The following SLC12A1 variants were observed in gnomAD, a reference collection of about 807,000 sequenced individuals.
The protein encoded by SLC12A1 is solute carrier family 12 member 1, also known as Na-K-2Cl cotransporter.
Under a neutral mutation model 130.4 loss-of-function variants are expected in SLC12A1, and 89 were observed. The observed-to-expected ratio is 0.68, with a 90% confidence interval of 0.58 to 0.81. The LOEUF (loss-of-function observed/expected upper bound fraction) is 0.81. SLC12A1 is among the 40% of genes least tolerant of loss of function. The pLI is 0.00. For missense variants in SLC12A1, 1,310 were observed against 1,336.4 expected (o/e 0.98, Z 0.31); for synonymous variants, 499 against 460.0 (o/e 1.08, Z -1.09).
At chr15:48,271,801 A>T (rs545526238) in intron 19 of SLC12A1, among the ~76,000 whole-genome samples, 3 of 152,282 alleles carry the variant, frequency 2.0e-5, no homozygotes, top group African/African-American at 7.2e-5. Context: ...GCCTCAGCAA[A>T]CAGTATTTTG....
chr15:48,221,573 AT>A (rs2041216843), intron 4 of SLC12A1: 2 of 442,156 alleles, frequency 4.5e-6, no homozygotes, highest in South Asian at 6.0e-5. Context: ...CATTACTGTT[AT>A]TTTTTTCTAA....
chr15:48,237,888 G>A (rs2041457575), intron 9 of SLC12A1, among the ~76,000 whole-genome samples: 1 of 152,128 alleles, frequency 6.6e-6, no homozygotes. Flanking sequence ...GTAATAGGTA[G>A]GAAGACTGGA....
chr15:48,270,685 T>TTA (rs1374556551), intron 19 of SLC12A1, among the ~76,000 whole-genome samples: 4 of 110,628 alleles, frequency 3.6e-5, no homozygotes, highest in East Asian at 2.5e-4. Context: ...TATATATTAT[T>TTA]TATATATATA....
At chr15:48,269,292 A>AT (rs1219782267) in intron 18 of SLC12A1, among the ~76,000 whole-genome samples, 5 of 152,224 alleles carry the variant, frequency 3.3e-5, no homozygotes, top group African/African-American at 1.2e-4. Context: ...CATTATGGAT[A>AT]TAACAGGTGG....
chr15:48,240,862 G>A (rs1469242393), intron 9 of SLC12A1, among the ~76,000 whole-genome samples: 1 of 152,142 alleles, frequency 6.6e-6, no homozygotes, highest in East Asian at 1.9e-4. Flanking sequence ...AATTAAGTAT[G>A]ATGTGAACTC....
At position 48,292,225 on chromosome 15, in the gene SLC12A1, G is replaced by T. The variant is rs184980175; in HGVS notation, c.2960+361G>T. On this transcript the variant is annotated intron_variant, in intron 24 of 26. Coordinates refer to ENST00000380993, the MANE Select transcript of SLC12A1 (RefSeq NM_000338.3). ...TTTTGTTATTCAGAGTTACTCGTGG[G>T]GCAGCCTGGATGGGGAGCTCTGATG... is the stretch of plus-strand genomic sequence containing the variant. Among the ~76,000 whole-genome samples, 67 of 152,286 alleles carry T rather than the reference G, an allele frequency of 4.4e-4. 1 individual carries two copies. The highest frequency in any genetic ancestry group is 1.3e-3 in the African/African-American group (54 of 41,550).
At chr15:48,276,117 G>A (rs558559994) in intron 20 of SLC12A1, among the ~76,000 whole-genome samples, 12 of 152,280 alleles carry the variant, frequency 7.9e-5, no homozygotes, top group Non-Finnish European at 1.0e-4. Flanking sequence ...ATATGGGAAA[G>A]GGAGGAGTAA....
chr15:48,206,960 T>C (rs1341481530), intron 1 of SLC12A1, among the ~76,000 whole-genome samples: 2 of 152,160 alleles, frequency 1.3e-5, no homozygotes, highest in Non-Finnish European at 2.9e-5. Flanking sequence ...AGAGACATCA[T>C]CTTGATGGGA....
At chr15:48,262,075 G>A (rs1483540925) in intron 17 of SLC12A1, among the ~76,000 whole-genome samples, 1 of 152,032 alleles carries the variant, frequency 6.6e-6, no homozygotes, top group South Asian at 2.1e-4. Flanking sequence ...TGCTATAGTT[G>A]CCATTTTTAT....
intron 9 of SLC12A1, among the ~76,000 whole-genome samples, chr15:48,239,657 T>C (rs1361170260): frequency 6.6e-6 from 1 of 152,058 alleles, no homozygotes; most frequent in Non-Finnish European, 1.5e-5. Flanking sequence ...TGTTTGTTTG[T>C]TGGTTTGTTT....
At chr15:48,229,164 G>A (rs2141031702) in intron 5 of SLC12A1, 25 bp from the exon 6 acceptor site, 1 of 1,573,596 alleles carries the variant, frequency 6.4e-7, no homozygotes, top group Non-Finnish European at 8.6e-7. Context: ...TCCTCAATGT[G>A]AAGTATGTTC....
At chr15:48,229,427 A>G in intron 6 of SLC12A1, 99 bp downstream of exon 6, 2 of 1,208,456 alleles carry the variant, frequency 1.7e-6, no homozygotes, top group South Asian at 3.1e-5. Context: ...AAATGAGAGG[A>G]AAAAAGTTAA....
intron 17 of SLC12A1, 92 bp downstream of exon 17, chr15:48,259,403 G>A (rs1555384349): frequency 2.0e-5 from 18 of 881,744 alleles, no homozygotes; most frequent in Middle Eastern, 2.3e-4. Context: ...GCAGTGACAG[G>A]AAAATAGCAA....
At chr15:48,235,097 C>G (rs760826886) in intron 9 of SLC12A1, 93 bp downstream of exon 9, 2 of 1,273,454 alleles carry the variant, frequency 1.6e-6, no homozygotes, top group Middle Eastern at 2.4e-4. Flanking sequence ...GACCATATTA[C>G]CCTACAGATT....
chr15:48,235,355 AC>A (rs1035841128), intron 9 of SLC12A1: 35 of 297,068 alleles, frequency 1.2e-4, no homozygotes, highest in East Asian at 4.0e-4. Context: ...TAAAAAAAAA[AC>A]AAAACAAAAC....
intron 19 of SLC12A1, among the ~76,000 whole-genome samples, chr15:48,274,213 CTT>C (rs1483415180): frequency 6.6e-6 from 1 of 152,164 alleles, no homozygotes; most frequent in Non-Finnish European, 1.5e-5. Context: ...TTCAAAGAGT[CTT>C]TGCAGTCTGT....
Position 48,257,710 on chromosome 15 carries a change from A to G in SLC12A1, c.2043-1490A>G, listed in dbSNP as rs192745991. 4.9e-3 allele frequency among the ~76,000 whole-genome samples: 738 copies of G among 152,154 alleles called. 8 individuals carry two copies. Among genetic ancestry groups the G allele is most frequent in the Middle Eastern group, 0.044 (13 of 294 alleles). On this transcript the variant is annotated intron_variant, in intron 16 of 26. Transcript: ENST00000380993. ...TCCCTAGGCTGCACACAGCAGGGGG[A>G]CCCTGGACCATGCCCAGGAAACGAT...
chr15:48,272,797 A>C (rs1441562705), intron 19 of SLC12A1, among the ~76,000 whole-genome samples: 4 of 152,184 alleles, frequency 2.6e-5, no homozygotes, highest in Non-Finnish European at 4.4e-5. Context: ...AAATTACCTC[A>C]AAATTTAGTG....
At chr15:48,287,813 G>A (rs1302262899) in intron 21 of SLC12A1, among the ~76,000 whole-genome samples, 3 of 152,102 alleles carry the variant, frequency 2.0e-5, no homozygotes, top group African/African-American at 7.2e-5. Context: ...TTATTATAAA[G>A]CTGTTTTACT....
Sources: gnomAD v4.1 joint callset for allele counts (sites outside exome capture counted in the v4.1 genomes callset) on GRCh38, gnomAD v4.1.1 for gene constraint, MANE v1.5 for transcripts, NCBI Gene and HGNC (gene_info 2026-07-23, HGNC 2026-07-21) for gene names.